The following PRKN variants were observed in gnomAD, a reference collection of about 807,000 sequenced individuals.
The protein encoded by PRKN is E3 ubiquitin-protein ligase parkin.
A neutral mutation model predicts 59.5 loss-of-function variants in PRKN; 56 were observed. That is an observed-to-expected ratio of 0.94 (90% confidence interval 0.76 to 1.18). PRKN has a LOEUF of 1.18. PRKN is among the 50% of genes most tolerant of loss of function. The pLI is 0.00. For missense variants in PRKN, 657 were observed against 596.4 expected, an observed-to-expected ratio of 1.10 and a Z score of -1.06; for synonymous variants, 250 against 222.1, an observed-to-expected ratio of 1.13 and a Z score of -1.12.
intron 6 of PRKN, among the ~76,000 whole-genome samples, chr6:161,931,248 C>A (rs1175460635): frequency 6.6e-6 from 1 of 152,068 alleles, no homozygotes; most frequent in African/African-American, 2.4e-5. Context: ...CCAGCCTAGT[C>A]AACATGGCGA....
intron 9 of PRKN, among the ~76,000 whole-genome samples, chr6:161,441,420 G>A (rs374697209): frequency 7.9e-5 from 12 of 152,186 alleles, no homozygotes; most frequent in Middle Eastern, 3.4e-3. Flanking sequence ...CAAGGCGGGC[G>A]GATCACTTGA....
intron 9 of PRKN, among the ~76,000 whole-genome samples, chr6:161,450,682 G>A (rs1008048178): frequency 4.0e-5 from 6 of 151,694 alleles, no homozygotes; most frequent in African/African-American, 1.2e-4. Flanking sequence ...TCAGCCTCCC[G>A]AGCAGCTGGG....
At chr6:161,655,941 T>C (rs950508841) in intron 7 of PRKN, among the ~76,000 whole-genome samples, 1 of 151,628 alleles carries the variant, frequency 6.6e-6, no homozygotes, top group Non-Finnish European at 1.5e-5. Flanking sequence ...AATATTTCAG[T>C]CACATTCTTT....
chr6:162,283,789 G>A (rs1338629367), intron 2 of PRKN, among the ~76,000 whole-genome samples: 1 of 152,152 alleles, frequency 6.6e-6, no homozygotes, highest in Non-Finnish European at 1.5e-5. Context: ...CCAAAGTGCT[G>A]GGATTACAAG....
intron 4 of PRKN, among the ~76,000 whole-genome samples, chr6:162,116,608 A>G (rs936875272): frequency 6.6e-6 from 1 of 152,186 alleles, no homozygotes; most frequent in Non-Finnish European, 1.5e-5. Context: ...GCACATTTAG[A>G]TTGAGTGTGT....
intron 7 of PRKN, among the ~76,000 whole-genome samples, chr6:161,580,217 T>G (rs1781282885): frequency 6.6e-6 from 1 of 152,208 alleles, no homozygotes; most frequent in African/African-American, 2.4e-5. Context: ...ATTCTTTATT[T>G]TAATTAGCCA....
intron 9 of PRKN, among the ~76,000 whole-genome samples, chr6:161,519,223 C>G (rs1778729331): frequency 6.6e-6 from 1 of 152,046 alleles, no homozygotes; most frequent in African/African-American, 2.4e-5. Flanking sequence ...GTGGATGGTG[C>G]TGTTCAAGGT....
At chr6:161,744,091 A>T (rs1442854272) in intron 7 of PRKN, among the ~76,000 whole-genome samples, 1 of 152,034 alleles carries the variant, frequency 6.6e-6, no homozygotes, top group Non-Finnish European at 1.5e-5. Context: ...ATGGATTTTT[A>T]TATGTATGAA....
At chr6:161,723,216 C>G (rs952919866) in intron 7 of PRKN, among the ~76,000 whole-genome samples, 1 of 151,668 alleles carries the variant, frequency 6.6e-6, no homozygotes, top group Non-Finnish European at 1.5e-5. Flanking sequence ...TTGCAGTGAG[C>G]CGAGATTGCA....
chr6:162,622,374 G>A lies in PRKN; in HGVS notation c.7+105288C>T, dbSNP rs149098047. Reference sequence around the variant, plus strand: ...AATTTTTGCATTTTTAGTAGAGACGGGGTTTTGCAATGTTGGCCAGGTTGG... The same window carrying A: ...AATTTTTGCATTTTTAGTAGAGACGAGGTTTTGCAATGTTGGCCAGGTTGG... On this transcript the variant is annotated intron_variant, in intron 1 of 11. Transcript: ENST00000366898. 7.8e-4 allele frequency among the ~76,000 whole-genome samples: 118 copies of A among 151,778 alleles called. 1 individual carries two copies. Among genetic ancestry groups the A allele is most frequent in the African/African-American group, 2.8e-3 (114 of 41,442 alleles).
At position 161,800,556 on chromosome 6, in the gene PRKN, C is replaced by A. The variant is rs568015520; in HGVS notation, c.735-14648G>T. On this transcript the variant is annotated intron_variant, in intron 6 of 11. Coordinates refer to ENST00000366898, the MANE Select transcript of PRKN (RefSeq NM_004562.3). ...AAAAACATCCACTGGATTGACTGAT[C>A]CCCTCTACCATGCCCAGTGCTGGGC... 1.4e-4 allele frequency among the ~76,000 whole-genome samples: 21 copies of A among 152,308 alleles called. No individual in the cohort carries two copies. The South Asian group carries it at 3.9e-3, about 29-fold the overall frequency.
Position 161,390,142 on chromosome 6 carries a change from G to A in PRKN, c.1084-3265C>T, listed in dbSNP as rs1786441848. On this transcript the variant is annotated intron_variant, in intron 9 of 11. Coordinates refer to ENST00000366898, the MANE Select transcript of PRKN (RefSeq NM_004562.3). The surrounding 1 kb of genome is among the most constrained non-coding windows in gnomAD (Gnocchi z 7.0). ...TAAGTAACATGAATCTGTCTCATGTGCAATGTAGAAGGTCTGATTTGATCT... is the reference window on the plus strand; with the variant it reads ...TAAGTAACATGAATCTGTCTCATGTACAATGTAGAAGGTCTGATTTGATCT... 6.6e-6 allele frequency among the ~76,000 whole-genome samples: 1 copy of A among 152,182 alleles called. No homozygotes were observed. Among genetic ancestry groups the A allele is most frequent in the African/African-American group, 2.4e-5 (1 of 41,422 alleles).
chr6:162,630,606 T>C (rs1487609015), intron 1 of PRKN, among the ~76,000 whole-genome samples: 1 of 152,172 alleles, frequency 6.6e-6, no homozygotes, highest in Non-Finnish European at 1.5e-5. Flanking sequence ...GATTCTATCA[T>C]GAATCTTGTA....
intron 9 of PRKN, among the ~76,000 whole-genome samples, chr6:161,403,577 C>T (rs900676119): frequency 1.3e-5 from 2 of 152,144 alleles, no homozygotes; most frequent in South Asian, 4.1e-4. Flanking sequence ...GGCAGGAGCA[C>T]GTAATGACTC....
At chr6:162,218,512 T>C (rs1686565754) in intron 3 of PRKN, among the ~76,000 whole-genome samples, 1 of 152,198 alleles carries the variant, frequency 6.6e-6, no homozygotes, top group Admixed American at 6.5e-5. Flanking sequence ...CAAATCCACC[T>C]ATCTGGGGTT....
At chr6:162,339,552 C>T (rs1381602698) in intron 2 of PRKN, among the ~76,000 whole-genome samples, 3 of 145,398 alleles carry the variant, frequency 2.1e-5, no homozygotes, top group African/African-American at 2.5e-5. Context: ...CCGCCCCGTC[C>T]GGGAGGTGAG....
intron 4 of PRKN, among the ~76,000 whole-genome samples, chr6:162,055,243 A>G (rs1374788912): frequency 6.6e-6 from 1 of 152,206 alleles, no homozygotes; most frequent in Non-Finnish European, 1.5e-5. Context: ...GGAGCAGCAA[A>G]TTTCCAGATC....
chr6:162,703,722 G>A (rs1251225022), intron 1 of PRKN, among the ~76,000 whole-genome samples: 1 of 152,212 alleles, frequency 6.6e-6, no homozygotes, highest in Non-Finnish European at 1.5e-5. Flanking sequence ...AGGGTCGTGA[G>A]TAGAGCCTGA....
intron 1 of PRKN, among the ~76,000 whole-genome samples, chr6:162,701,290 C>T (rs529685102): frequency 2.6e-5 from 4 of 151,904 alleles, no homozygotes; most frequent in African/African-American, 4.8e-5. Context: ...GATAATGTAA[C>T]GAGGGACTTC....
Sources: gnomAD v4.1 joint callset for allele counts (sites outside exome capture counted in the v4.1 genomes callset) on GRCh38, gnomAD v4.1.1 for gene constraint, Gnocchi (gnomAD v3.1) non-coding constraint, MANE v1.5 for transcripts, NCBI Gene and HGNC (gene_info 2026-07-23, HGNC 2026-07-21) for gene names.